Variants in EOGT observed in about 807,000 individuals in gnomAD.
EOGT encodes the protein EGF domain-specific O-linked N-acetylglucosamine transferase.
In EOGT, 55 loss-of-function variants were observed where a neutral mutation model predicts 70.5. That is an observed-to-expected ratio of 0.78 (90% confidence interval 0.63 to 0.98). EOGT has a LOEUF of 0.98. Among genes scored for constraint, EOGT ranks in the 50% least tolerant of loss-of-function variants. The probability of loss-of-function intolerance (pLI) is 0.00; values close to 1 mark genes in which losing one functional copy is unlikely to be tolerated. For missense variants in EOGT, 703 were observed against 641.9 expected (o/e 1.10, Z -1.03); for synonymous variants, 246 against 217.1 (o/e 1.13, Z -1.17).
intron 9 of EOGT, among the ~76,000 whole-genome samples, chr3:69,001,193 C>T (rs577433178): frequency 9.7e-4 from 147 of 152,128 alleles, no homozygotes; most frequent in African/African-American, 3.4e-3. Flanking sequence ...CTCCTGACCT[C>T]GTGATCTGCC....
intron 8 of EOGT, among the ~76,000 whole-genome samples, chr3:69,003,221 T>G (rs116117093): frequency 2.0e-5 from 3 of 152,286 alleles, no homozygotes; most frequent in Middle Eastern, 3.4e-3. Flanking sequence ...CAATGTCAAT[T>G]TCATGGTTGT....
intron 14 of EOGT, among the ~76,000 whole-genome samples, chr3:68,985,413 G>T (rs2090776874): frequency 6.6e-6 from 1 of 152,096 alleles, no homozygotes; most frequent in Non-Finnish European, 1.5e-5. Flanking sequence ...AGCCAAATTA[G>T]TCTGTGTAAA....
At chr3:68,990,480 G>C in intron 10 of EOGT, among the ~76,000 whole-genome samples, 1 of 151,456 alleles carries the variant, frequency 6.6e-6, no homozygotes, top group Non-Finnish European at 1.5e-5. Flanking sequence ...AGCCTCCCGA[G>C]TAGCTGGGAT....
intron 16 of EOGT, among the ~76,000 whole-genome samples, chr3:68,979,329 T>C (rs1050121734): frequency 1.3e-5 from 2 of 152,224 alleles, no homozygotes; most frequent in Non-Finnish European, 2.9e-5. Context: ...ACATAAATGC[T>C]TTCTTTTAAC....
intron 6 of EOGT, among the ~76,000 whole-genome samples, chr3:69,005,840 T>C (rs1575775821): frequency 6.6e-6 from 1 of 152,246 alleles, no homozygotes; most frequent in Admixed American, 6.5e-5. Context: ...CAAAAACTTT[T>C]ATCTGCTCTG....
At chr3:69,012,451 G>C (rs2091599318) in intron 2 of EOGT, 64 bp downstream of exon 2, 1 of 152,304 alleles carries the variant, frequency 6.6e-6, no homozygotes, top group South Asian at 2.1e-4. Context: ...TTATGACCAA[G>C]CCCTGACCTT....
intron 10 of EOGT, among the ~76,000 whole-genome samples, chr3:68,990,904 A>G (rs1348555617): frequency 7.4e-6 from 1 of 135,500 alleles, no homozygotes; most frequent in Admixed American, 6.9e-5. Flanking sequence ...TAGATGTGAA[A>G]AAAAAAAAAA....
chr3:68,986,373 C>T (rs2090808204), intron 14 of EOGT, among the ~76,000 whole-genome samples: 1 of 152,092 alleles, frequency 6.6e-6, no homozygotes, highest in South Asian at 2.1e-4. Context: ...ACCAACAACG[C>T]CCTGCTTTAA....
At chr3:68,992,328 G>A (rs553586871) in intron 10 of EOGT, among the ~76,000 whole-genome samples, 28 of 152,234 alleles carry the variant, frequency 1.8e-4, no homozygotes, top group South Asian at 8.3e-4. Context: ...AATTACAGCC[G>A]TTCCAAATGG....
rs761193309 is a variant in EOGT at position 68,979,744 on chromosome 3, C to T, written c.1258G>A (p.Asp420Asn). ...GCTCCATGCATTCCAATAAATATGT[C>T]CGTGTTGTGTGTGATCCTTAGTTGA... The part of the protein sequence containing the change: ...LDQLRITHNT[D>N]IFIGMHGAGL... The change falls in exon 16 of 18, where the codon GAC becomes AAC. Residue 420 changes from aspartate (D) to asparagine (N), a missense_variant. Coordinates refer to ENST00000383701, the MANE Select transcript of EOGT (RefSeq NM_001278689.2). 2 of 1,613,542 alleles carry T rather than the reference C, an allele frequency of 1.2e-6. No individual in the cohort carries two copies. The highest frequency in any genetic ancestry group is 2.2e-5 in the East Asian group (1 of 44,834).
chr3:68,979,530 T>C (rs1413211227), intron 16 of EOGT, 138 bp downstream of exon 16: 1 of 973,276 alleles, frequency 1.0e-6, no homozygotes, highest in Non-Finnish European at 1.4e-6. Context: ...CCTCTTTTCT[T>C]TCCAGATTGT....
At chr3:68,990,864 TAC>T (rs1448920104) in intron 10 of EOGT, among the ~76,000 whole-genome samples, 4 of 151,472 alleles carry the variant, frequency 2.6e-5, no homozygotes, top group Admixed American at 1.3e-4. Flanking sequence ...TTGCACATAT[TAC>T]AGTTATTTCA....
At position 69,008,507 on chromosome 3, in the gene EOGT, A is replaced by G; in HGVS notation, c.232T>C (p.Tyr78His). The G allele has an allele frequency of 6.2e-7, 1 of 1,614,044 alleles. No homozygotes were observed. Among genetic ancestry groups the G allele is most frequent in the Non-Finnish European group, 8.5e-7 (1 of 1,179,904 alleles). The change falls in exon 5 of 18, where the codon TAC becomes CAC. Residue 78 changes from tyrosine (Y) to histidine (H), a missense_variant. By Grantham distance (83) the Tyr-to-His change is moderately conservative (BLOSUM62 2). Coordinates refer to ENST00000383701, the MANE Select transcript of EOGT (RefSeq NM_001278689.2). ...CAGGATTTCTCATAACCCCAGCAGT[A>G]CTTTAGCTTCTCTAGGTGTTTCTAG... ...PYKKHLEKLK[Y>H]CWGYEKSCKP... is the part of the protein sequence containing the mutation.
At chr3:69,004,322 A>T in intron 8 of EOGT, 56 bp downstream of exon 8, 1 of 1,260,330 alleles carries the variant, frequency 7.9e-7, no homozygotes, top group Non-Finnish European at 1.2e-6. Flanking sequence ...TAATATCTGC[A>T]AGTGCCGTAA....
intron 10 of EOGT, among the ~76,000 whole-genome samples, chr3:68,994,414 A>T (rs2091086917): frequency 6.6e-6 from 1 of 152,196 alleles, no homozygotes; most frequent in African/African-American, 2.4e-5. Context: ...GGAATTGGAG[A>T]GGAAGAAGGA....
chr3:68,993,848 T>C (rs1430305714), intron 10 of EOGT, among the ~76,000 whole-genome samples: 1 of 152,080 alleles, frequency 6.6e-6, no homozygotes, highest in Non-Finnish European at 1.5e-5. Flanking sequence ...GAAGCAAAAG[T>C]GGAAACCCTA....
chr3:69,002,374 G>C (rs2091319216), intron 8 of EOGT, among the ~76,000 whole-genome samples: 1 of 152,138 alleles, frequency 6.6e-6, no homozygotes, highest in African/African-American at 2.4e-5. Flanking sequence ...ATATACCCTA[G>C]GGTACACTTT....
chr3:68,980,670 T>C (rs1186241346), intron 15 of EOGT, among the ~76,000 whole-genome samples: 3 of 152,184 alleles, frequency 2.0e-5, no homozygotes, highest in Admixed American at 2.0e-4. Context: ...AAACTCCGCA[T>C]AGGAAAAAGA....
At position 68,998,120 on chromosome 3, in the gene EOGT, G is replaced by C; in HGVS notation, c.728-6C>G. 1 of 1,474,130 alleles carries C rather than the reference G, an allele frequency of 6.8e-7. No homozygotes were observed. Among genetic ancestry groups the C allele is most frequent in the Non-Finnish European group, 9.4e-7 (1 of 1,063,662 alleles). The allele number at this position is 1,474,130 out of a possible 1,614,324, so 91.3% of individuals were successfully genotyped here. ...GTGGTGATACATGTTAACACCTAGT[G>C]TTGGAAAATGAAACTACATTAATTA... On this transcript the variant is annotated splice_polypyrimidine_tract_variant and splice_region_variant and intron_variant, in intron 9 of 17. Coordinates refer to ENST00000383701, the MANE Select transcript of EOGT (RefSeq NM_001278689.2).
Sources: allele counts gnomAD v4.1 joint callset (sites outside exome capture counted in the v4.1 genomes callset), GRCh38; gene constraint gnomAD v4.1.1; transcripts MANE v1.5; gene names NCBI Gene and HGNC (gene_info 2026-07-23, HGNC 2026-07-21).